The following SETD3 variants were observed in gnomAD, a reference collection of about 807,000 sequenced individuals.
SETD3 encodes SET domain containing 3, actin N3(tau)-histidine methyltransferase.
A neutral mutation model predicts 63.0 loss-of-function variants in SETD3; 19 were observed. That is an observed-to-expected ratio of 0.30 (90% confidence interval 0.21 to 0.44). The LOEUF is 0.44. Ranked by LOEUF, SETD3 falls within the 20% of genes least tolerant of loss-of-function variation. The probability of loss-of-function intolerance (pLI) is 1.00; values close to 1 mark genes in which losing one functional copy is unlikely to be tolerated. For missense variants in SETD3, 587 were observed against 728.5 expected, an observed-to-expected ratio of 0.81 and a Z score of 2.24; for synonymous variants, 286 against 264.1, an observed-to-expected ratio of 1.08 and a Z score of -0.80.
chr14:99,481,299 C>A (rs1277503076), upstream of SETD3: 1 of 395,938 alleles, frequency 2.5e-6, no homozygotes, highest in African/African-American at 2.1e-5. Flanking sequence ...CGGCTCGTTC[C>A]TCTTTTGAGA....
intron 6 of SETD3, among the ~76,000 whole-genome samples, chr14:99,440,024 G>C (rs1893711157): frequency 6.6e-6 from 1 of 151,832 alleles, no homozygotes; most frequent in African/African-American, 2.4e-5. Flanking sequence ...ACCCAGGCTG[G>C]TCTTGAACTC....
intron 12 of SETD3, 42 bp downstream of exon 12, chr14:99,400,057 C>T (rs1891305860): frequency 6.5e-7 from 1 of 1,541,902 alleles, no homozygotes; most frequent in African/African-American, 1.4e-5. Context: ...AACATCTTAA[C>T]AACACAACAA....
At chr14:99,409,407 G>C (rs973372140) in intron 8 of SETD3, among the ~76,000 whole-genome samples, 1 of 152,156 alleles carries the variant, frequency 6.6e-6, no homozygotes, top group African/African-American at 2.4e-5. Context: ...GCCGGAGTTT[G>C]TTGGCAATGC....
intron 6 of SETD3, among the ~76,000 whole-genome samples, chr14:99,435,945 G>C (rs1416403907): frequency 6.6e-6 from 1 of 152,118 alleles, no homozygotes; most frequent in Admixed American, 6.5e-5. Flanking sequence ...ATAAAGCTAA[G>C]AGGTTTAATT....
chr14:99,407,613 C>T (rs1327779153), intron 8 of SETD3, among the ~76,000 whole-genome samples: 2 of 152,222 alleles, frequency 1.3e-5, no homozygotes, highest in Middle Eastern at 6.8e-3. Flanking sequence ...AGGCGGCTCA[C>T]GCTTCCCTCC....
intron 8 of SETD3, 37 bp from the exon 9 acceptor site, chr14:99,406,627 A>C (rs1566873955): frequency 6.4e-7 from 1 of 1,571,128 alleles, no homozygotes; most frequent in Non-Finnish European, 8.8e-7. Context: ...ATGGTGAGGC[A>C]AACACACGCA....
chr14:99,456,267 T>C (rs1375363213), intron 6 of SETD3, among the ~76,000 whole-genome samples: 2 of 152,248 alleles, frequency 1.3e-5, no homozygotes, highest in Non-Finnish European at 2.9e-5. Context: ...GTTTGATTTC[T>C]AAATCATGGT....
At chr14:99,440,279 T>G (rs985862963) in intron 6 of SETD3, among the ~76,000 whole-genome samples, 1 of 152,216 alleles carries the variant, frequency 6.6e-6, no homozygotes, top group Non-Finnish European at 1.5e-5. Context: ...AAGGATAAAG[T>G]TGATTTGCAA....
chr14:99,441,061 ACTCCT>A (rs1156430006), intron 6 of SETD3, among the ~76,000 whole-genome samples: 2 of 151,970 alleles, frequency 1.3e-5, no homozygotes, highest in African/African-American at 4.8e-5. Flanking sequence ...GCTGCTGTAG[ACTCCT>A]CTCAGGTTTA....
intron 6 of SETD3, among the ~76,000 whole-genome samples, 170 bp from the exon 7 acceptor site, chr14:99,414,104 T>C (rs1272209838): frequency 6.6e-6 from 1 of 152,280 alleles, no homozygotes; most frequent in Non-Finnish European, 1.5e-5. Flanking sequence ...TATGCTCTCA[T>C]ACATCACTGT....
intron 6 of SETD3, among the ~76,000 whole-genome samples, chr14:99,444,126 G>C (rs1893994746): frequency 1.3e-5 from 2 of 152,120 alleles, no homozygotes; most frequent in Non-Finnish European, 2.9e-5. Flanking sequence ...TGTTCTTCTG[G>C]GGTCCACTGC....
intron 6 of SETD3, among the ~76,000 whole-genome samples, chr14:99,450,732 T>C (rs918664122): frequency 3.9e-5 from 6 of 152,190 alleles, no homozygotes; most frequent in African/African-American, 1.4e-4. Flanking sequence ...TTTCAAATGG[T>C]TGGATCAACA....
intron 1 of SETD3, among the ~76,000 whole-genome samples, chr14:99,476,131 C>G (rs1012778475): frequency 1.3e-5 from 2 of 152,042 alleles, no homozygotes; most frequent in Non-Finnish European, 2.9e-5. Context: ...TTAACAAGTC[C>G]CCTTCACAGA....
chr14:99,455,483 G>A (rs1397900364), intron 6 of SETD3, among the ~76,000 whole-genome samples: 2 of 152,174 alleles, frequency 1.3e-5, no homozygotes, highest in African/African-American at 4.8e-5. Flanking sequence ...TTAAAAAGAA[G>A]GGGTATGTGT....
intron 1 of SETD3, among the ~76,000 whole-genome samples, chr14:99,466,214 A>G (rs1395652426): frequency 6.6e-6 from 1 of 152,222 alleles, no homozygotes; most frequent in Non-Finnish European, 1.5e-5. Flanking sequence ...TTTGCCTTAA[A>G]ATAATCATTT....
upstream of SETD3, among the ~76,000 whole-genome samples, chr14:99,485,225 T>C (rs1346579690): frequency 6.6e-6 from 1 of 152,188 alleles, no homozygotes; most frequent in Admixed American, 6.5e-5. Context: ...TTACAGAAGG[T>C]AAAACAATTG....
At chr14:99,445,064 C>A (rs1337788857) in intron 6 of SETD3, among the ~76,000 whole-genome samples, 3 of 152,112 alleles carry the variant, frequency 2.0e-5, no homozygotes, top group African/African-American at 7.2e-5. Context: ...CATATCAATT[C>A]CAGGTAGAGG....
At chr14:99,479,407 G>A (rs1245895779) in intron 1 of SETD3, among the ~76,000 whole-genome samples, 4 of 152,186 alleles carry the variant, frequency 2.6e-5, no homozygotes, top group African/African-American at 7.2e-5. Flanking sequence ...ATGGTAGCCC[G>A]TATAAACACA....
intron 1 of SETD3, among the ~76,000 whole-genome samples, chr14:99,471,130 C>T (rs1274737654): frequency 6.6e-6 from 1 of 152,164 alleles, no homozygotes. Flanking sequence ...CTCTTTTACC[C>T]ACTGTCTTGT....
Sources: gnomAD v4.1 joint callset for allele counts (sites outside exome capture counted in the v4.1 genomes callset) on GRCh38, gnomAD v4.1.1 for gene constraint, MANE v1.5 for transcripts, NCBI Gene and HGNC (gene_info 2026-07-23, HGNC 2026-07-21) for gene names.